The following DCDC1 variants were observed in gnomAD, a reference collection of about 807,000 sequenced individuals.
DCDC1 encodes the protein doublecortin domain containing 1.
DCDC1 carries 200 observed loss-of-function variants against 178.3 expected under a neutral mutation model. The ratio of observed to expected loss-of-function variants is 1.12; its 90% confidence interval spans 1.00 to 1.26. The LOEUF is 1.26. Among genes scored for constraint, DCDC1 ranks in the 50% most tolerant of loss-of-function variants. The pLI is 0.00. For synonymous variants in DCDC1, 690 were observed against 604.8 expected, an observed-to-expected ratio of 1.14 and a Z score of -2.07; for missense variants, 1,983 against 1,749.2, an observed-to-expected ratio of 1.13 and a Z score of -2.38.
At chr11:31,065,824 TA>T (rs1160739831) in intron 18 of DCDC1, among the ~76,000 whole-genome samples, 1 of 152,208 alleles carries the variant, frequency 6.6e-6, no homozygotes, top group Admixed American at 6.5e-5. Context: ...TTCTGAAGGA[TA>T]AAATCTGTCA....
At chr11:31,263,419 AG>A (rs1470803682) in intron 8 of DCDC1, among the ~76,000 whole-genome samples, 1 of 152,194 alleles carries the variant, frequency 6.6e-6, no homozygotes, top group African/African-American at 2.4e-5. Context: ...AACAAAAGGA[AG>A]GATTCTTTGT....
At chr11:31,288,370 A>G (rs1377965293) in intron 7 of DCDC1, among the ~76,000 whole-genome samples, 2 of 152,008 alleles carry the variant, frequency 1.3e-5, no homozygotes, top group Non-Finnish European at 1.5e-5. Context: ...AATCGCAAAG[A>G]GATGTGCTAT....
chr11:31,336,638 A>C (rs1950287573), intron 1 of DCDC1, among the ~76,000 whole-genome samples: 1 of 152,242 alleles, frequency 6.6e-6, no homozygotes, highest in African/African-American at 2.4e-5. Flanking sequence ...ATAATTGCAT[A>C]AACTTTGTGG....
rs1046305601 is a variant in DCDC1, at chr11:30,922,358, C to T, written c.3133+145G>A. The T allele has an allele frequency of 1.1e-5, 10 of 907,958 alleles. No homozygotes were observed. In the Admixed American group the frequency reaches 4.1e-4, roughly 37 times the overall value. 56.2% of individuals were successfully genotyped at this position (907,958 alleles called of 1,614,324 possible). ...AACTAAAATACTCAACCCTGTCAAA[C>T]ACATAATTTAGTTTAAAGAGTTAAA... On this transcript the variant is annotated intron_variant, in intron 24 of 38. Transcript: ENST00000684477.
intron 11 of DCDC1, among the ~76,000 whole-genome samples, chr11:31,121,697 G>T (rs1401435239): frequency 1.3e-5 from 2 of 151,652 alleles, no homozygotes; most frequent in African/African-American, 4.8e-5. Context: ...TGAGACCACT[G>T]CTCTACAAGA....
intron 27 of DCDC1, among the ~76,000 whole-genome samples, chr11:30,913,756 C>A (rs1450154569): frequency 6.6e-6 from 1 of 152,198 alleles, no homozygotes; most frequent in Non-Finnish European, 1.5e-5. Context: ...GAGTTTTAGG[C>A]AGACAGACAC....
At chr11:31,011,079 A>G (rs1041486118) in intron 20 of DCDC1, among the ~76,000 whole-genome samples, 1 of 152,098 alleles carries the variant, frequency 6.6e-6, no homozygotes, top group African/African-American at 2.4e-5. Context: ...GTAATAATGG[A>G]CTCATCAATA....
At chr11:31,051,857 T>C (rs1955271217) in intron 20 of DCDC1, among the ~76,000 whole-genome samples, 1 of 151,824 alleles carries the variant, frequency 6.6e-6, no homozygotes, top group African/African-American at 2.4e-5. Context: ...TAGAAACACA[T>C]AAAAACAGAA....
Position 31,060,191 on chromosome 11 carries a change from C to T in DCDC1, c.2591+4278G>A, listed in dbSNP as rs181986923. Among the ~76,000 whole-genome samples, 221 of 152,076 alleles carry T rather than the reference C, an allele frequency of 1.5e-3. 1 individual carries two copies. Among genetic ancestry groups the T allele is most frequent in the South Asian group, 8.3e-3 (40 of 4,828 alleles). On this transcript the variant is annotated intron_variant, in intron 20 of 38. Transcript: ENST00000684477. Reference sequence around the variant, plus strand: ...TAAACATAATAAATTGAGAACCAAACGCTCAATTTTATTTCATGCCAATTG... The same window carrying T: ...TAAACATAATAAATTGAGAACCAAATGCTCAATTTTATTTCATGCCAATTG...
chr11:31,250,415 C>CACACACATATATATATATATATAT (rs1223526182), intron 8 of DCDC1, among the ~76,000 whole-genome samples: 1 of 73,672 alleles, frequency 1.4e-5, no homozygotes, highest in African/African-American at 5.2e-5. Context: ...CACACACACA[C>CACACACATATATATATATATATAT]ATATACATAT....
intron 8 of DCDC1, among the ~76,000 whole-genome samples, chr11:31,255,918 T>A (rs561135180): frequency 6.6e-6 from 1 of 152,296 alleles, no homozygotes; most frequent in African/African-American, 2.4e-5. Flanking sequence ...GTCGTGAAAA[T>A]GTGAACCTAT....
intron 9 of DCDC1, among the ~76,000 whole-genome samples, chr11:31,146,258 GT>G (rs1176979613): frequency 6.6e-6 from 1 of 151,674 alleles, no homozygotes; most frequent in East Asian, 1.9e-4. Context: ...GTTTGTTTTT[GT>G]TTTTTTAGTA....
chr11:30,868,236 T>C (rs995481634), intron 38 of DCDC1, among the ~76,000 whole-genome samples: 2 of 143,532 alleles, frequency 1.4e-5, no homozygotes, highest in African/African-American at 5.2e-5. Context: ...TGCTCTTTCA[T>C]ACCTGCTTTT....
rs71481498 is a variant in DCDC1, at chr11:30,873,344, C to CAT, written c.*40+5198_*40+5199dup. 9.3e-3 allele frequency among the ~76,000 whole-genome samples: 1,250 copies of CAT among 134,006 alleles called. 10 individuals carry two copies. Among genetic ancestry groups the CAT allele is most frequent in the African/African-American group, 0.029 (995 of 34,886 alleles). 87.9% of individuals were successfully genotyped at this position (134,006 alleles called of 152,430 possible). On this transcript the variant is annotated intron_variant, in intron 38 of 38. Transcript: ENST00000684477. Reference sequence around the variant, plus strand: ...ATATATAAAAATGTGTGTGTATATACATATATATATATATATATATAGAGA... The same window carrying CAT: ...ATATATAAAAATGTGTGTGTATATACATATATATATATATATATATATAGAGA...
intron 9 of DCDC1, among the ~76,000 whole-genome samples, chr11:31,228,383 G>A (rs773112419): frequency 1.7e-4 from 26 of 151,932 alleles, no homozygotes; most frequent in Non-Finnish European, 2.6e-4. Context: ...TGAAAACAGC[G>A]TACTGAAATT....
rs138097925 is a variant in DCDC1, at chr11:30,944,194, T to C, written c.2715+8251A>G. On this transcript the variant is annotated intron_variant, in intron 21 of 38. Transcript: ENST00000684477. ...AAACTTTTTCTGTGAGTTTCTTCTC[T>C]CTCCCTTCCTTCTCCTTTATTCATC... The C allele has an allele frequency of 1.0e-5, 4 of 387,372 alleles. 1 individual carries two copies. The highest frequency in any genetic ancestry group is 8.4e-5 in the African/African-American group (4 of 47,404). 24.0% of individuals were successfully genotyped at this position (387,372 alleles called of 1,614,324 possible). A position where few individuals can be genotyped will look rare whatever the true frequency, so the allele number is the denominator to read the frequency against.
At chr11:31,041,261 C>T (rs931700557) in intron 20 of DCDC1, among the ~76,000 whole-genome samples, 4 of 152,074 alleles carry the variant, frequency 2.6e-5, no homozygotes, top group Admixed American at 1.3e-4. Flanking sequence ...AATGAGTAAA[C>T]CAGACAATTT....
chr11:31,020,320 T>A (rs538359867), intron 20 of DCDC1, among the ~76,000 whole-genome samples: 4 of 152,312 alleles, frequency 2.6e-5, no homozygotes, highest in African/African-American at 7.2e-5. Flanking sequence ...ATTGTCAATG[T>A]TGATTTCCCA....
intron 15 of DCDC1, among the ~76,000 whole-genome samples, chr11:31,099,601 GA>G (rs1389977402): frequency 6.6e-6 from 1 of 152,098 alleles, no homozygotes; most frequent in Non-Finnish European, 1.5e-5. Flanking sequence ...AAATGGCGCA[GA>G]AGGGAAACGT....
Sources: allele counts gnomAD v4.1 joint callset (sites outside exome capture counted in the v4.1 genomes callset), GRCh38; gene constraint gnomAD v4.1.1; transcripts MANE v1.5; gene names NCBI Gene and HGNC (gene_info 2026-07-23, HGNC 2026-07-21).